Variants in AGBL1 observed in about 807,000 individuals in gnomAD.
AGBL1 encodes the protein AGBL carboxypeptidase 1.
AGBL1 carries 130 observed loss-of-function variants against 118.9 expected under a neutral mutation model. The observed-to-expected ratio is 1.09, with a 90% CI of 0.95 to 1.26. The LOEUF (loss-of-function observed/expected upper bound fraction) is 1.26. Ranked by LOEUF, AGBL1 falls within the 50% of genes most tolerant of loss-of-function variation. The probability of loss-of-function intolerance (pLI) is 0.00; values close to 1 mark genes in which losing one functional copy is unlikely to be tolerated. For synonymous variants in AGBL1, 555 were observed against 478.9 expected (o/e 1.16, Z -2.08); for missense variants, 1,584 against 1,298.1 (o/e 1.22, Z -3.38).
intron 5 of AGBL1, among the ~76,000 whole-genome samples, chr15:86,197,147 A>T (rs1032431419): frequency 3.9e-5 from 6 of 152,208 alleles, no homozygotes; most frequent in African/African-American, 1.2e-4. Context: ...TAACCTAAAA[A>T]TGCAGAAGCA....
At position 86,459,912 on chromosome 15, in the gene AGBL1, T is replaced by C. The variant is rs559875995; in HGVS notation, c.2555+62366T>C. ...CTTACATAGCTACAGTGACCAGTGA[T>C]TTGCTATATGATGGAAACTCCAGAG... is the stretch of plus-strand genomic sequence containing the variant. On this transcript the variant is annotated intron_variant, in intron 18 of 22. Coordinates refer to ENST00000614907, the MANE Select transcript of AGBL1 (RefSeq NM_001386094.1). 1.4e-3 allele frequency among the ~76,000 whole-genome samples: 209 copies of C among 152,182 alleles called. 1 individual carries two copies. Among genetic ancestry groups the C allele is most frequent in the African/African-American group, 4.8e-3 (201 of 41,544 alleles).
At chr15:86,633,833 GTA>G (rs1252698633) in intron 21 of AGBL1, among the ~76,000 whole-genome samples, 51 of 31,678 alleles carry the variant, frequency 1.6e-3, no homozygotes, top group African/African-American at 3.0e-3. Flanking sequence ...TATATATAAT[GTA>G]TATATATATA....
intron 23 of AGBL1, among the ~76,000 whole-genome samples, chr15:86,933,806 T>C (rs2080633834): frequency 6.6e-6 from 1 of 152,258 alleles, no homozygotes; most frequent in Non-Finnish European, 1.5e-5. Context: ...CAGTGTCTTA[T>C]GCAATGCATA....
rs543297082 is a variant in AGBL1, at chr15:86,535,503, A to G, written c.2686-10499A>G. Among the ~76,000 whole-genome samples the G allele has an allele frequency of 5.3e-5, 8 of 152,314 alleles. No homozygotes were observed. In the East Asian group the frequency reaches 9.7e-4, roughly 18 times the overall value. On this transcript the variant is annotated intron_variant, in intron 19 of 22. Coordinates refer to ENST00000614907, the MANE Select transcript of AGBL1 (RefSeq NM_001386094.1). Reference sequence around the variant, plus strand: ...AAGTAATTGGGGCTTCAGAAATGGGAATGGGATCGATTCCTATCCTCTTGG... The same window carrying G: ...AAGTAATTGGGGCTTCAGAAATGGGGATGGGATCGATTCCTATCCTCTTGG...
intron 22 of AGBL1, among the ~76,000 whole-genome samples, chr15:86,726,806 C>T (rs969752369): frequency 5.3e-5 from 8 of 152,154 alleles, no homozygotes; most frequent in Non-Finnish European, 8.8e-5. Context: ...CCTCCTGCCT[C>T]GGCCTCCCAA....
At chr15:86,362,873 C>G (rs1244950224) in intron 17 of AGBL1, among the ~76,000 whole-genome samples, 1 of 152,184 alleles carries the variant, frequency 6.6e-6, no homozygotes, top group Non-Finnish European at 1.5e-5. Flanking sequence ...AGGACTGCTT[C>G]TGGACTGGCA....
intron 7 of AGBL1, among the ~76,000 whole-genome samples, chr15:86,250,321 T>G (rs1396093863): frequency 6.6e-6 from 1 of 151,612 alleles, no homozygotes; most frequent in African/African-American, 2.4e-5. Flanking sequence ...GGTCAGGAGT[T>G]CAAGACTAGC....
chr15:86,639,640 G>T (rs1293267219), intron 21 of AGBL1, among the ~76,000 whole-genome samples: 1 of 152,036 alleles, frequency 6.6e-6, no homozygotes, highest in East Asian at 1.9e-4. Context: ...AGCTTCCCGG[G>T]TCTCTTGTCC....
intron 17 of AGBL1, among the ~76,000 whole-genome samples, chr15:86,337,712 G>A (rs1025139008): frequency 1.3e-5 from 2 of 152,108 alleles, no homozygotes; most frequent in Non-Finnish European, 2.9e-5. Flanking sequence ...GTCGAGGGAG[G>A]GTGGAGGGTG....
chr15:86,847,184 T>TTA (rs537370378), intron 22 of AGBL1, among the ~76,000 whole-genome samples: 62 of 152,348 alleles, frequency 4.1e-4, no homozygotes, highest in African/African-American at 1.3e-3. Flanking sequence ...ATAGTGTTGT[T>TTA]TAGTCCTTTG....
At chr15:86,178,189 C>G (rs1838386) in intron 5 of AGBL1, among the ~76,000 whole-genome samples, 1 of 151,918 alleles carries the variant, frequency 6.6e-6, no homozygotes, top group Admixed American at 6.6e-5. Flanking sequence ...GGCACCTGCC[C>G]GTAATCCCAG....
chr15:86,775,931 C>A (rs1416547309), intron 22 of AGBL1, among the ~76,000 whole-genome samples: 1 of 152,024 alleles, frequency 6.6e-6, no homozygotes, highest in African/African-American at 2.4e-5. Flanking sequence ...AGAAAAGAAT[C>A]ACTGTGAAGT....
intron 23 of AGBL1, chr15:86,938,896 ATC>A (rs1425039431): frequency 6.6e-6 from 1 of 152,220 alleles, no homozygotes; most frequent in African/African-American, 2.4e-5. Context: ...AACAAAAAAC[ATC>A]TGTCTTCCTT....
At chr15:86,649,926 AACTC>A (rs1447443150) in intron 21 of AGBL1, among the ~76,000 whole-genome samples, 3 of 152,226 alleles carry the variant, frequency 2.0e-5, no homozygotes, top group African/African-American at 4.8e-5. Flanking sequence ...TGTTATCAAT[AACTC>A]ACTCACCAAT....
intron 22 of AGBL1, among the ~76,000 whole-genome samples, chr15:86,885,730 T>C (rs1050952652): frequency 1.3e-5 from 2 of 152,166 alleles, no homozygotes; most frequent in East Asian, 3.9e-4. Context: ...AAATTATGGT[T>C]TTACTCCAGA....
At chr15:86,251,409 G>T (rs1320462250) in intron 7 of AGBL1, among the ~76,000 whole-genome samples, 1 of 152,156 alleles carries the variant, frequency 6.6e-6, no homozygotes, top group Non-Finnish European at 1.5e-5. Flanking sequence ...GCCTGAGAAT[G>T]TGCTTTCCTG....
chr15:86,843,675 G>A (rs1370303106), intron 22 of AGBL1, among the ~76,000 whole-genome samples: 2 of 152,132 alleles, frequency 1.3e-5, no homozygotes, highest in Non-Finnish European at 2.9e-5. Context: ...AACTGAATTT[G>A]ATGGCTAGAC....
rs1277061532 is a variant in AGBL1, at chr15:86,270,047, C to T, written c.1967C>T (p.Pro656Leu). The change falls in exon 14 of 23, where the codon CCC (proline) becomes CTC (leucine). Residue 656 changes from proline to leucine, a missense_variant. By Grantham distance (98) the Pro-to-Leu change is moderately conservative. Transcript: ENST00000614907. ...YHFNIINCEK[P>L]NSQFNYGMQP... ...TTCAACATCATCAACTGTGAGAAGC[C>T]CAACAGCCAGTTTAATTATGGTATG... 2 of 1,612,430 alleles carry T rather than the reference C, an allele frequency of 1.2e-6. No homozygotes were observed. The highest frequency in any genetic ancestry group is 2.2e-5 in the South Asian group (2 of 90,558).
chr15:86,805,909 T>C (rs1413059956), intron 22 of AGBL1, among the ~76,000 whole-genome samples: 1 of 152,106 alleles, frequency 6.6e-6, no homozygotes, highest in African/African-American at 2.4e-5. Context: ...CAAAACAGTC[T>C]ACAACACTAC....
Sources: allele counts gnomAD v4.1 joint callset (sites outside exome capture counted in the v4.1 genomes callset), GRCh38; gene constraint gnomAD v4.1.1; transcripts MANE v1.5; gene names NCBI Gene and HGNC (gene_info 2026-07-23, HGNC 2026-07-21).